HIP1: variants seen among roughly 807,000 people sequenced by gnomAD.
HIP1 encodes the protein huntingtin-interacting protein 1.
A neutral mutation model predicts 147.6 loss-of-function variants in HIP1; 65 were observed. That is an observed-to-expected ratio of 0.44 (90% CI 0.36 to 0.54). HIP1 has a LOEUF of 0.54. Among genes scored for constraint, HIP1 ranks in the 20% least tolerant of loss-of-function variants. The pLI, the probability that HIP1 is intolerant of heterozygous loss-of-function variation, is 0.00. For synonymous variants in HIP1, 479 were observed against 504.0 expected, an observed-to-expected ratio of 0.95 and a Z score of 0.67; for missense variants, 1,061 against 1,299.6, an observed-to-expected ratio of 0.82 and a Z score of 2.82.
chr7:75,723,962 A>T (rs1440649966), intron 1 of HIP1, among the ~76,000 whole-genome samples: 1 of 148,870 alleles, frequency 6.7e-6, no homozygotes, highest in Non-Finnish European at 1.5e-5. Flanking sequence ...AGAGAGAGAG[A>T]GAGAGAGAAA....
chr7:75,629,624 C>CAGGCGATT (rs1798147875), intron 1 of HIP1, among the ~76,000 whole-genome samples: 1 of 151,864 alleles, frequency 6.6e-6, no homozygotes, highest in South Asian at 2.1e-4. Context: ...CTCACTGCAA[C>CAGGCGATT]CTCCGCCTCC....
intron 22 of HIP1, among the ~76,000 whole-genome samples, 196 bp downstream of exon 22, chr7:75,553,257 C>T (rs1452999950): frequency 7.9e-5 from 12 of 152,178 alleles, no homozygotes; most frequent in Admixed American, 3.9e-4. Context: ...CCTCCTGACT[C>T]GGCCTCCCAA....
chr7:75,698,084 G>A (rs1270277202), intron 1 of HIP1, among the ~76,000 whole-genome samples: 2 of 152,226 alleles, frequency 1.3e-5, no homozygotes, highest in East Asian at 3.9e-4. Context: ...CCAGCTAGGT[G>A]CCGGGATTAT....
chr7:75,574,048 A>G (rs1795745232), intron 7 of HIP1, 147 bp from the exon 8 acceptor site: 3 of 610,434 alleles, frequency 4.9e-6, no homozygotes, highest in Non-Finnish European at 8.6e-6. Flanking sequence ...CCTTCACAAC[A>G]CTCCCATGAG....
At chr7:75,595,811 G>A (rs1796721895) in intron 2 of HIP1, among the ~76,000 whole-genome samples, 1 of 152,180 alleles carries the variant, frequency 6.6e-6, no homozygotes, top group Non-Finnish European at 1.5e-5. Context: ...CCCTCCAGGA[G>A]TGAATACCAA....
rs781906042 is a variant in HIP1, at chr7:75,573,892, G to C, written c.614C>G (p.Ser205Cys). The change falls in exon 8 of 31, where the codon TCC (serine) becomes TGC (cysteine). Residue 205 changes from serine (S) to cysteine (C), a missense_variant. This residue lies in a region of HIP1 where 225 missense variants were observed against 292.9 expected (regional missense o/e 0.77). Transcript: ENST00000336926. ...GGACACAGAGCGGGACATGTCCAGG[G>C]AGTTGAATACTAGGAAATAAAAGTG... is the stretch of plus-strand genomic sequence containing the variant. Reference protein sequence around the residue: ...ELNLFQTVFNSLDMSRSVSVT... With the variant: ...ELNLFQTVFNCLDMSRSVSVT... 1.2e-6 allele frequency: 2 copies of C among 1,612,226 alleles called. No homozygotes were observed. Among genetic ancestry groups the C allele is most frequent in the Non-Finnish European group, 1.7e-6 (2 of 1,178,530 alleles).
chr7:75,664,580 A>G (rs1799498399), intron 1 of HIP1, among the ~76,000 whole-genome samples: 1 of 147,012 alleles, frequency 6.8e-6, no homozygotes, highest in African/African-American at 2.5e-5. Flanking sequence ...GTATACATAC[A>G]TATATATATG....
At chr7:75,607,228 G>GTTTT (rs202211589) in intron 1 of HIP1, among the ~76,000 whole-genome samples, 1 of 139,396 alleles carries the variant, frequency 7.2e-6, no homozygotes, top group African/African-American at 2.9e-5. Flanking sequence ...GTTGTTTTTT[G>GTTTT]TTTTGTTTTT....
In HIP1 at chr7:75,537,981, C is replaced by A; in HGVS notation, c.*191G>T. 1.6e-6 allele frequency: 1 copy of A among 629,472 alleles called. No homozygotes were observed. Among genetic ancestry groups the A allele is most frequent in the Non-Finnish European group, 2.9e-6 (1 of 341,564 alleles). 39.0% of individuals were successfully genotyped at this position (629,472 alleles called of 1,614,324 possible). A position where few individuals can be genotyped will look rare whatever the true frequency, so the allele number is the denominator to read the frequency against. ...GAGGCGGGAAAAGAACAGAGATGACCATGGGTCCAAACAGAAAGGGTGTCG... is the reference window on the plus strand; with the variant it reads ...GAGGCGGGAAAAGAACAGAGATGACAATGGGTCCAAACAGAAAGGGTGTCG... On this transcript the variant is annotated 3_prime_UTR_variant, in exon 31 of 31. Transcript: ENST00000336926.
chr7:75,644,666 A>G (rs1181825666), intron 1 of HIP1, among the ~76,000 whole-genome samples: 1 of 152,232 alleles, frequency 6.6e-6, no homozygotes, highest in African/African-American at 2.4e-5. Flanking sequence ...AGTCATTGTC[A>G]TTAAAATGAC....
At chr7:75,635,766 T>C (rs1798403113) in intron 1 of HIP1, among the ~76,000 whole-genome samples, 1 of 152,044 alleles carries the variant, frequency 6.6e-6, no homozygotes, top group East Asian at 1.9e-4. Flanking sequence ...CTCACACCTA[T>C]AATCCCAGCA....
intron 5 of HIP1, among the ~76,000 whole-genome samples, chr7:75,583,049 C>T (rs587634357): frequency 2.0e-5 from 3 of 152,296 alleles, no homozygotes; most frequent in Non-Finnish European, 4.4e-5. Context: ...CAGCATCTCC[C>T]TCTCTGGCTG....
intron 29 of HIP1, 62 bp from the exon 30 acceptor site, chr7:75,539,493 ATT>A: frequency 7.5e-7 from 1 of 1,341,986 alleles, no homozygotes; most frequent in Non-Finnish European, 1.1e-6. Flanking sequence ...ATTTTTATTT[ATT>A]TTTTTATAGA....
At chr7:75,579,518 C>T (rs1256219009) in intron 7 of HIP1, among the ~76,000 whole-genome samples, 3 of 151,976 alleles carry the variant, frequency 2.0e-5, no homozygotes, top group East Asian at 1.9e-4. Flanking sequence ...TCTTGAACTC[C>T]TGACTTCAGG....
rs2116708319 is a variant in HIP1 at position 75,537,596 on chromosome 7, G to A, written c.*576C>T. 4.3e-6 allele frequency: 1 copy of A among 233,298 alleles called. No homozygotes were observed. The highest frequency in any genetic ancestry group is 8.5e-6 in the Non-Finnish European group (1 of 118,170). The allele number at this position is 233,298 out of a possible 1,614,324, so 14.5% of individuals were successfully genotyped here. A position where few individuals can be genotyped will look rare whatever the true frequency, so the allele number is the denominator to read the frequency against. ...AATCCATGGCACTGCCCAAAGAGGGGGAGAATGGCTTTGGCATTCACAGCC... is the reference window on the plus strand; with the variant it reads ...AATCCATGGCACTGCCCAAAGAGGGAGAGAATGGCTTTGGCATTCACAGCC... On this transcript the variant is annotated 3_prime_UTR_variant, in exon 31 of 31. Coordinates refer to ENST00000336926, the MANE Select transcript of HIP1 (RefSeq NM_005338.7).
At chr7:75,659,875 C>T (rs1554513330) in intron 1 of HIP1, among the ~76,000 whole-genome samples, 2 of 151,960 alleles carry the variant, frequency 1.3e-5, no homozygotes, top group African/African-American at 4.8e-5. Context: ...CACCTGTAAT[C>T]CCAGCACTTT....
intron 1 of HIP1, among the ~76,000 whole-genome samples, chr7:75,616,584 GGGAGGAGGAGGA>G (rs782489721): frequency 1.3e-4 from 19 of 146,064 alleles, no homozygotes; most frequent in Admixed American, 3.5e-4. Context: ...TTTAAGGGTG[GGGAGGAGGAGGA>G]GGAGGAGGAG....
intron 1 of HIP1, among the ~76,000 whole-genome samples, chr7:75,653,703 T>C (rs925286772): frequency 2.6e-5 from 4 of 151,512 alleles, no homozygotes; most frequent in Non-Finnish European, 5.9e-5. Flanking sequence ...TACTAAAAAA[T>C]ACAAAAATTA....
At chr7:75,625,334 C>T (rs1343752542) in intron 1 of HIP1, 4 of 152,468 alleles carry the variant, frequency 2.6e-5, no homozygotes, top group African/African-American at 9.6e-5. Context: ...AAGACTTAGT[C>T]CTGGTTTCAG....
Sources: allele counts gnomAD v4.1 joint callset (sites outside exome capture counted in the v4.1 genomes callset), GRCh38; gene constraint gnomAD v4.1.1; regional missense constraint gnomAD v4.1.1; transcripts MANE v1.5; gene names NCBI Gene and HGNC (gene_info 2026-07-23, HGNC 2026-07-21).